The following ANKRD36 variants were observed in gnomAD, a reference collection of about 807,000 sequenced individuals.
ANKRD36 encodes ankyrin repeat domain-containing protein 36A.
In ANKRD36, 179 loss-of-function variants were observed where a neutral mutation model predicts 278.1. The ratio of observed to expected loss-of-function variants is 0.64; its 90% CI spans 0.57 to 0.73. The LOEUF is 0.73. ANKRD36 is among the 30% of genes least tolerant of loss of function. The pLI is 0.00. For missense variants in ANKRD36, 1,159 were observed against 1,956.7 expected, an observed-to-expected ratio of 0.59 and a Z score of 7.69; for synonymous variants, 320 against 641.1, an observed-to-expected ratio of 0.50 and a Z score of 7.57.
Position 97,188,277 on chromosome 2 carries a change from C to T in ANKRD36, c.2144-810C>T, listed in dbSNP as rs1261922915. 1.3e-5 allele frequency among the ~76,000 whole-genome samples: 2 copies of T among 151,518 alleles called. 1 individual carries two copies. The highest frequency in any genetic ancestry group is 2.9e-5 in the Non-Finnish European group (2 of 67,850). The stretch of plus-strand genomic sequence containing the variant: ...AATTATGTTGAATTCTAATTAACTC[C>T]TAAAATGGTAATTTTCAATGAATAT... On this transcript the variant is annotated intron_variant, in intron 32 of 75. Transcript: ENST00000420699.
chr2:97,200,666 G>T lies in ANKRD36; in HGVS notation c.2857+141G>T, dbSNP rs1306279423. 3.1e-5 allele frequency: 43 copies of T among 1,379,862 alleles called. No individual in the cohort carries two copies. In the East Asian group the frequency reaches 9.8e-4, roughly 32 times the overall value. 85.5% of individuals were successfully genotyped at this position (1,379,862 alleles called of 1,614,324 possible). On this transcript the variant is annotated intron_variant, in intron 46 of 75. Transcript: ENST00000420699. ...ATTCTTCTTTTCTAACAAGTTCTTG[G>T]GTTATGCTGATGCTGCTTGTCTGCA...
intron 6 of ANKRD36, among the ~76,000 whole-genome samples, chr2:97,135,905 A>T (rs980108227): frequency 6.6e-6 from 1 of 151,922 alleles, no homozygotes; most frequent in African/African-American, 2.4e-5. Flanking sequence ...CACCAATGTC[A>T]TATTATGAAA....
chr2:97,124,349 A>G (rs929313383), intron 4 of ANKRD36, 111 bp from the exon 5 acceptor site: 8 of 1,356,150 alleles, frequency 5.9e-6, no homozygotes, highest in East Asian at 2.6e-5. Context: ...TTCTTAGTAC[A>G]TGTAATTGGG....
Position 97,124,600 on chromosome 2 carries a change from A to G in ANKRD36, c.731+3A>G, listed in dbSNP as rs1326260283. On this transcript the variant is annotated splice_donor_region_variant and intron_variant, in intron 5 of 75. Coordinates refer to ENST00000420699, the MANE Select transcript of ANKRD36 (RefSeq NM_001354587.1). The stretch of plus-strand genomic sequence containing the variant: ...GCCATTGAGGCTAAGAATAGAGTGT[A>G]AGTCTTTACATAAAAAGGCTAGTGA... The G allele has an allele frequency of 6.5e-6, 10 of 1,547,456 alleles. No homozygotes were observed. Among genetic ancestry groups the G allele is most frequent in the Non-Finnish European group, 7.9e-6 (9 of 1,145,624 alleles).
chr2:97,145,053 T>C (rs563314472), intron 10 of ANKRD36, among the ~76,000 whole-genome samples: 1 of 152,108 alleles, frequency 6.6e-6, no homozygotes, highest in Non-Finnish European at 1.5e-5. Flanking sequence ...CTAGAAATTA[T>C]AGGCGCCTGA....
chr2:97,203,592 T>G (rs1301503150), intron 48 of ANKRD36, among the ~76,000 whole-genome samples: 1 of 151,846 alleles, frequency 6.6e-6, no homozygotes, highest in African/African-American at 2.4e-5. Flanking sequence ...TACGTTCAAC[T>G]GAATTGTCAT....
intron 60 of ANKRD36, among the ~76,000 whole-genome samples, chr2:97,214,852 C>A (rs565067092): frequency 6.6e-6 from 1 of 151,712 alleles, no homozygotes; most frequent in Non-Finnish European, 1.5e-5. Context: ...TGTGTACCTT[C>A]TCAGTTATTG....
At chr2:97,159,191 TC>T (rs2048244339) in intron 17 of ANKRD36, among the ~76,000 whole-genome samples, 1 of 152,052 alleles carries the variant, frequency 6.6e-6, no homozygotes, top group Non-Finnish European at 1.5e-5. Flanking sequence ...TGAAAAATTC[TC>T]AGATTCTTCT....
At chr2:97,137,887 T>G (rs1245430826) in intron 6 of ANKRD36, among the ~76,000 whole-genome samples, 1 of 152,258 alleles carries the variant, frequency 6.6e-6, no homozygotes, top group Non-Finnish European at 1.5e-5. Context: ...AGATGTTTGT[T>G]GGCTGCATAA....
chr2:97,198,598 G>T lies in ANKRD36; in HGVS notation c.2695G>T (p.Glu899Ter), dbSNP rs1245527036. 3 of 1,546,242 alleles carry T rather than the reference G, an allele frequency of 1.9e-6. No homozygotes were observed. The South Asian group carries it at 3.6e-5, about 18-fold the overall frequency. ...KPPGLKASSA[E>*]KDSVLNIARG... ...AAATTCCATTCAGGCTTCAAGTGCC[G>T]AGAAAGATTCTGTTTTGAATATAGC... Residue 899 changes from glutamate to a stop codon, truncating the protein, a stop_gained, in exon 44 of 76, where the codon GAG (glutamate) becomes TAG (stop). Transcript: ENST00000420699. LOFTEE classifies it high-confidence loss of function.
At chr2:97,202,106 G>A (rs1415363318) in intron 46 of ANKRD36, 96 bp from the exon 47 acceptor site, 2 of 1,581,264 alleles carry the variant, frequency 1.3e-6, no homozygotes, top group African/African-American at 1.4e-5. Context: ...GCTAATACAG[G>A]CAGGAGGACA....
chr2:97,189,491 A>C (rs60166260), intron 34 of ANKRD36, among the ~76,000 whole-genome samples: 4,927 of 88,282 alleles, frequency 0.056, 935 homozygotes, highest in African/African-American at 0.12. Context: ...TCGCAGTAAG[A>C]TTATACACTT....
intron 67 of ANKRD36, among the ~76,000 whole-genome samples, chr2:97,228,735 T>C (rs1291383628): frequency 3.3e-5 from 5 of 151,488 alleles, no homozygotes; most frequent in Non-Finnish European, 7.4e-5. Flanking sequence ...TGTTAGGGTG[T>C]CAATTTTGGA....
At chr2:97,221,487 A>G (rs1231319053) in intron 66 of ANKRD36, among the ~76,000 whole-genome samples, 21 of 113,752 alleles carry the variant, frequency 1.8e-4, no homozygotes, top group Non-Finnish European at 2.5e-4. Context: ...GTGTGAGATG[A>G]TATCTCATAG....
chr2:97,216,033 G>A (rs1311911461), intron 62 of ANKRD36, among the ~76,000 whole-genome samples: 1 of 151,720 alleles, frequency 6.6e-6, no homozygotes, highest in Non-Finnish European at 1.5e-5. Context: ...AAAGCTGAGT[G>A]AACTCACTTC....
chr2:97,217,563 C>G (rs1264705463), intron 64 of ANKRD36, among the ~76,000 whole-genome samples, 191 bp downstream of exon 64: 3 of 152,038 alleles, frequency 2.0e-5, no homozygotes. Flanking sequence ...TAGTAACAAG[C>G]TTATAGACTT....
At chr2:97,202,004 G>C (rs1420298745) in intron 46 of ANKRD36, among the ~76,000 whole-genome samples, 198 bp from the exon 47 acceptor site, 9 of 151,842 alleles carry the variant, frequency 5.9e-5, no homozygotes, top group African/African-American at 2.2e-4. Context: ...AAATTGTAAG[G>C]GTATATTTCA....
At chr2:97,260,948 T>C (rs2076687369) in intron 75 of ANKRD36, among the ~76,000 whole-genome samples, 1 of 127,912 alleles carries the variant, frequency 7.8e-6, no homozygotes, top group African/African-American at 3.4e-5. Flanking sequence ...CCTCCTCACC[T>C]GTGTCAGACT....
chr2:97,144,029 A>G (rs1404822461), intron 8 of ANKRD36, among the ~76,000 whole-genome samples: 1 of 152,154 alleles, frequency 6.6e-6, no homozygotes, highest in East Asian at 1.9e-4. Context: ...TGGGAAGTGT[A>G]CATTCAACTA....
Sources: allele counts gnomAD v4.1 joint callset (sites outside exome capture counted in the v4.1 genomes callset), GRCh38; gene constraint gnomAD v4.1.1; transcripts MANE v1.5; gene names NCBI Gene and HGNC (gene_info 2026-07-23, HGNC 2026-07-21).